CUL4B: variants seen among roughly 807,000 people sequenced by gnomAD.
CUL4B encodes cullin 4B.
A neutral mutation model predicts 69.2 loss-of-function variants in CUL4B; 1 was observed. The ratio of observed to expected loss-of-function variants is 0.01; its 90% CI spans 0.01 to 0.07. CUL4B has a LOEUF of 0.07. Ranked by LOEUF, CUL4B falls within the 10% of genes least tolerant of loss-of-function variation. The pLI, the probability that CUL4B is intolerant of heterozygous loss-of-function variation, is 1.00. For synonymous variants in CUL4B, 237 were observed against 223.2 expected (o/e 1.06, Z -0.55); for missense variants, 328 against 638.8 (o/e 0.51, Z 5.24).
chrX:120,551,482 G>A, intron 2 of CUL4B, among the ~76,000 whole-genome samples: 1 of 111,189 alleles, frequency 9.0e-6, no homozygotes, highest in Middle Eastern at 4.6e-3. Context: ...TTACATGCAT[G>A]AGCCACCTTG....
At chrX:120,546,401 A>T (rs929068080) in intron 4 of CUL4B, 146 bp downstream of exon 4, 27 of 418,016 alleles carry the variant, frequency 6.5e-5, no homozygotes, top group Non-Finnish European at 1.1e-4. Flanking sequence ...ATAAATTTTT[A>T]AAAAAAGAAA....
At chrX:120,544,373 C>T in intron 6 of CUL4B, 108 bp downstream of exon 6, 1 of 906,582 alleles carries the variant, frequency 1.1e-6, no homozygotes, top group South Asian at 2.0e-5. Flanking sequence ...ATGAGATGTG[C>T]TTCCTTCAAA....
chrX:120,573,691 A>G (rs774020573), intron 2 of CUL4B, among the ~76,000 whole-genome samples: 2 of 112,323 alleles, frequency 1.8e-5, no homozygotes, highest in Non-Finnish European at 3.8e-5. Flanking sequence ...AACAAAGTAA[A>G]AGCAGGAGTG....
At position 120,530,311 on chromosome X, in the gene CUL4B, C is replaced by T. The variant is rs1017677835; in HGVS notation, c.2440-57G>A. 11 of 1,092,055 alleles carry T rather than the reference C, an allele frequency of 1.0e-5. No homozygotes were observed. In the Admixed American group the frequency reaches 1.5e-4, roughly 15 times the overall value. The allele number at this position is 1,092,055 out of a possible 1,213,427, so 90.0% of individuals were successfully genotyped here. ...ACCAGAAGCAAAACCTGACTATTTA[C>T]ATAAATTGTGCATTTTAGGGACATG... On this transcript the variant is annotated intron_variant, in intron 18 of 19. Transcript: ENST00000371322.
chrX:120,542,068 C>T (rs1305707486), intron 9 of CUL4B, among the ~76,000 whole-genome samples: 1 of 110,566 alleles, frequency 9.0e-6, no homozygotes, highest in African/African-American at 3.3e-5. Flanking sequence ...CTCCCCCTCT[C>T]TATTTTAATT....
Position 120,560,876 on chromosome X carries a change from G to A in CUL4B, c.-238C>T. ...AACGAGGGGGGAGAGCGAATGAGGAGGCAGACAGGTAAACGGCCGTGCCGT... is the reference window on the plus strand; with the variant it reads ...AACGAGGGGGGAGAGCGAATGAGGAAGCAGACAGGTAAACGGCCGTGCCGT... On this transcript the variant is annotated 5_prime_UTR_variant, in exon 1 of 20. Transcript: ENST00000371322. 1 of 753,574 alleles carries A rather than the reference G, an allele frequency of 1.3e-6. No individual in the cohort carries two copies. Among genetic ancestry groups the A allele is most frequent in the Non-Finnish European group, 1.6e-6 (1 of 639,033 alleles). 62.1% of individuals were successfully genotyped at this position (753,574 alleles called of 1,213,427 possible). A position where few individuals can be genotyped will look rare whatever the true frequency, so the allele number is the denominator to read the frequency against.
chrX:120,539,084 T>C (rs1923834922), intron 12 of CUL4B, among the ~76,000 whole-genome samples, 184 bp downstream of exon 12: 1 of 111,890 alleles, frequency 8.9e-6, no homozygotes, highest in African/African-American at 3.2e-5. Flanking sequence ...AGGCACTTAA[T>C]ACTAGAAGAG....
intron 2 of CUL4B, among the ~76,000 whole-genome samples, chrX:120,554,632 T>C (rs768134389): frequency 8.9e-6 from 1 of 112,472 alleles, no homozygotes; most frequent in East Asian, 2.8e-4. Flanking sequence ...GGGACTTCCA[T>C]ACTTAAAGCT....
At chrX:120,550,482 G>A (rs919798620) in intron 2 of CUL4B, among the ~76,000 whole-genome samples, 2 of 111,599 alleles carry the variant, frequency 1.8e-5, no homozygotes, top group Admixed American at 1.9e-4. Flanking sequence ...CCAGCATTTA[G>A]GGGAGGGCAA....
rs374556865 is a variant in CUL4B, at chrX:120,560,382, C to G, written c.257G>C (p.Gly86Ala). The G allele has an allele frequency of 1.1e-5, 13 of 1,205,738 alleles. No homozygotes were observed. Among genetic ancestry groups the G allele is most frequent in the Non-Finnish European group, 5.6e-6 (5 of 892,776 alleles). Residue 86 changes from glycine (G) to alanine (A), a missense_variant, in exon 1 of 20, where the codon GGG becomes GCG. This residue lies in a region of CUL4B where 102 missense variants were observed against 122.1 expected (regional missense o/e 0.84). Coordinates refer to ENST00000371322, the MANE Select transcript of CUL4B (RefSeq NM_001079872.2). ...ASPSTSSFCL[G>A]VSVAASSHVP... ...GTGGCTGGAAGCAGCCACTGAAACC[C>G]CCAGGCAGAAGGACGAGGTTGAAGG...
At chrX:120,565,394 G>GA (rs776778280), upstream of CUL4B, among the ~76,000 whole-genome samples, 1 of 108,705 alleles carries the variant, frequency 9.2e-6, no homozygotes, top group Non-Finnish European at 1.9e-5. Context: ...AAACAAAACA[G>GA]AAAAAACGGC....
chrX:120,532,730 T>C (rs903335027), intron 17 of CUL4B, 136 bp from the exon 18 acceptor site: 47 of 573,134 alleles, frequency 8.2e-5, no homozygotes, highest in Non-Finnish European at 1.3e-4. Flanking sequence ...AACTTTTCTT[T>C]GTTCTAGCCA....
Position 120,544,219 on chromosome X carries a change from A to T in CUL4B, c.1084-16T>A, listed in dbSNP as rs1197704549. 2 of 1,059,458 alleles carry T rather than the reference A, an allele frequency of 1.9e-6. No individual in the cohort carries two copies. The highest frequency in any genetic ancestry group is 2.6e-6 in the Non-Finnish European group (2 of 757,460). The allele number at this position is 1,059,458 out of a possible 1,213,427, so 87.3% of individuals were successfully genotyped here. Reference sequence around the variant, plus strand: ...CTTGATAAATCTGGAGGGGGAACAAAATGAAGGAGATCATTTATTTAGCAA... The same window carrying T: ...CTTGATAAATCTGGAGGGGGAACAATATGAAGGAGATCATTTATTTAGCAA... On this transcript the variant is annotated splice_polypyrimidine_tract_variant and intron_variant, in intron 6 of 19. Coordinates refer to ENST00000371322, the MANE Select transcript of CUL4B (RefSeq NM_001079872.2).
rs1463085776 is a variant in CUL4B, at chrX:120,540,399, T to C, written c.1607A>G (p.Lys536Arg). 8.3e-7 allele frequency: 1 copy of C among 1,210,724 alleles called. No homozygotes were observed. ...MKEAFETFIN[K>R]RPNKPAELIA... is the part of the protein sequence containing the mutation. ...AAGTTCAGCTGGTTTATTTGGTCTTTTGTTAATGAACGTTTCAAATGCTTC... is the reference window on the plus strand; with the variant it reads ...AAGTTCAGCTGGTTTATTTGGTCTTCTGTTAATGAACGTTTCAAATGCTTC... Residue 536 changes from lysine (K) to arginine (R), a missense_variant, in exon 11 of 20, where the codon AAA becomes AGA. Around this residue, in one of 4 missense-constraint regions of CUL4B, gnomAD observed 98 missense variants for 296.8 expected, o/e 0.33. Coordinates refer to ENST00000371322, the MANE Select transcript of CUL4B (RefSeq NM_001079872.2).
At chrX:120,564,645 TCTTTTA>T (rs1422259495), upstream of CUL4B, among the ~76,000 whole-genome samples, 1 of 112,275 alleles carries the variant, frequency 8.9e-6, no homozygotes, top group Admixed American at 9.4e-5. Context: ...TTGTAAAATA[TCTTTTA>T]CATCAAGAAC....
upstream of CUL4B, chrX:120,561,065 A>T: frequency 1.0e-6 from 1 of 997,749 alleles, no homozygotes; most frequent in Non-Finnish European, 1.3e-6. Flanking sequence ...TGTTATTGTC[A>T]ATAGCACAAG....
At chrX:120,559,226 C>G (rs1194877598) in intron 1 of CUL4B, among the ~76,000 whole-genome samples, 1 of 111,945 alleles carries the variant, frequency 8.9e-6, no homozygotes. Flanking sequence ...CACTGATTAC[C>G]TGGCAGTTAC....
intron 2 of CUL4B, among the ~76,000 whole-genome samples, chrX:120,550,429 T>C (rs922691204): frequency 9.0e-6 from 1 of 111,729 alleles, no homozygotes; most frequent in Non-Finnish European, 1.9e-5. Flanking sequence ...TTGAGTGTGC[T>C]AGATGCTATG....
chrX:120,572,800 T>C (rs1925753478), intron 2 of CUL4B, among the ~76,000 whole-genome samples: 1 of 111,896 alleles, frequency 8.9e-6, no homozygotes, highest in South Asian at 3.7e-4. Flanking sequence ...TATGGATACA[T>C]ATTCCTATCA....
Sources: gnomAD v4.1 joint callset for allele counts (sites outside exome capture counted in the v4.1 genomes callset) on GRCh38, gnomAD v4.1.1 for gene constraint, gnomAD v4.1.1 regional missense constraint, MANE v1.5 for transcripts, NCBI Gene and HGNC (gene_info 2026-07-23, HGNC 2026-07-21) for gene names.